The following HCN1 variants were observed in gnomAD, a reference collection of about 807,000 sequenced individuals.
HCN1 encodes potassium/sodium hyperpolarization-activated cyclic nucleotide-gated channel 1.
HCN1 carries 13 observed loss-of-function variants against 78.9 expected under a neutral mutation model. That is an observed-to-expected ratio of 0.16 (90% confidence interval 0.11 to 0.26). HCN1 has a LOEUF of 0.26. Among genes scored for constraint, HCN1 ranks in the 10% least tolerant of loss-of-function variants. The pLI is 1.00. For synonymous variants in HCN1, 552 were observed against 455.5 expected (o/e 1.21, Z -2.70); for missense variants, 810 against 1,154.3 (o/e 0.70, Z 4.32).
At chr5:45,585,293 G>T (rs895922142) in intron 2 of HCN1, among the ~76,000 whole-genome samples, 6 of 152,022 alleles carry the variant, frequency 3.9e-5, no homozygotes, top group African/African-American at 1.5e-4. Context: ...TTCCATCACT[G>T]ATACTCTTTC....
In HCN1 at chr5:45,302,308, C is replaced by T. The variant is rs549222754; in HGVS notation, c.1618+1291G>A. On this transcript the variant is annotated intron_variant, in intron 6 of 7. Transcript: ENST00000303230. The stretch of plus-strand genomic sequence containing the variant: ...CCCCTGTGCTTTCTCTCTCCTGCTG[C>T]CTGTGAAGAAGTTGCTTGTCTCTCC... 2.6e-5 allele frequency among the ~76,000 whole-genome samples: 4 copies of T among 152,108 alleles called. 1 individual carries two copies. In the East Asian group the frequency reaches 7.8e-4, roughly 30 times the overall value.
chr5:45,600,093 A>AT (rs1744592310), intron 2 of HCN1, among the ~76,000 whole-genome samples: 1 of 151,954 alleles, frequency 6.6e-6, no homozygotes, highest in East Asian at 1.9e-4. Context: ...TGGTCTTGTC[A>AT]TTTTTTCCTG....
intron 5 of HCN1, among the ~76,000 whole-genome samples, chr5:45,348,649 T>C (rs980813158): frequency 6.6e-6 from 1 of 151,968 alleles, no homozygotes; most frequent in Non-Finnish European, 1.5e-5. Flanking sequence ...ACACATAACA[T>C]AGGCTCAAAA....
chr5:45,352,579 C>G (rs924875303), intron 5 of HCN1, among the ~76,000 whole-genome samples: 2 of 151,628 alleles, frequency 1.3e-5, no homozygotes, highest in African/African-American at 2.4e-5. Context: ...TATTTTGGTC[C>G]AGGAGTGATC....
chr5:45,556,482 C>A (rs1421695041), intron 2 of HCN1, among the ~76,000 whole-genome samples: 1 of 152,006 alleles, frequency 6.6e-6, no homozygotes, highest in Non-Finnish European at 1.5e-5. Flanking sequence ...CATGACTATA[C>A]ATAAACTCCT....
chr5:45,463,544 T>C (rs1368877811), intron 2 of HCN1, among the ~76,000 whole-genome samples: 1 of 152,030 alleles, frequency 6.6e-6, no homozygotes, highest in Non-Finnish European at 1.5e-5. Flanking sequence ...AATTTTACTT[T>C]TCTGTAAGCT....
At chr5:45,355,277 A>G (rs1031820405) in intron 4 of HCN1, among the ~76,000 whole-genome samples, 1 of 152,050 alleles carries the variant, frequency 6.6e-6, no homozygotes, top group African/African-American at 2.4e-5. Context: ...GACTCATAGT[A>G]ACTATTGATC....
Position 45,515,915 on chromosome 5 carries a change from CCT to C in HCN1, c.850-53910_850-53909del, listed in dbSNP as rs1742509302. On this transcript the variant is annotated intron_variant, in intron 2 of 7. Transcript: ENST00000303230. ...TGTATTAAATCTACCACCAAAAATG[CCT>C]CTTTCTTTTCAGGAAAAAATACAAA... 4.6e-5 allele frequency among the ~76,000 whole-genome samples: 7 copies of C among 152,006 alleles called. 1 individual carries two copies. In the South Asian group the frequency reaches 1.2e-3, roughly 27 times the overall value.
At chr5:45,368,373 A>T (rs1332945375) in intron 4 of HCN1, among the ~76,000 whole-genome samples, 2 of 151,982 alleles carry the variant, frequency 1.3e-5, no homozygotes, top group Non-Finnish European at 2.9e-5. Context: ...AAACATAATT[A>T]TTTTTCCTAA....
chr5:45,295,943 C>G (rs1745483209), intron 6 of HCN1, among the ~76,000 whole-genome samples: 1 of 151,966 alleles, frequency 6.6e-6, no homozygotes, highest in African/African-American at 2.4e-5. Flanking sequence ...TAGATTTTAA[C>G]TGCCTTACAT....
chr5:45,454,670 C>T (rs547010343), intron 3 of HCN1, among the ~76,000 whole-genome samples: 128 of 151,930 alleles, frequency 8.4e-4, no homozygotes, highest in Admixed American at 2.0e-3. Flanking sequence ...CTCATTTCTT[C>T]GTAATATTAC....
At chr5:45,371,461 T>C (rs931025911) in intron 4 of HCN1, among the ~76,000 whole-genome samples, 1 of 151,590 alleles carries the variant, frequency 6.6e-6, no homozygotes, top group African/African-American at 2.4e-5. Context: ...CTGAACCCAC[T>C]GAAATACAAA....
At chr5:45,676,367 A>G (rs2047297151) in intron 1 of HCN1, among the ~76,000 whole-genome samples, 2 of 151,800 alleles carry the variant, frequency 1.3e-5, no homozygotes. Context: ...TTATATTTTT[A>G]TTGGTCAATC....
chr5:45,655,122 G>T (rs1415147427), intron 1 of HCN1, among the ~76,000 whole-genome samples: 1 of 152,062 alleles, frequency 6.6e-6, no homozygotes, highest in Non-Finnish European at 1.5e-5. Context: ...TCTTTAAAAT[G>T]TTCACGTTTT....
chr5:45,357,905 T>A (rs146295763), intron 4 of HCN1, among the ~76,000 whole-genome samples: 1 of 151,986 alleles, frequency 6.6e-6, no homozygotes, highest in Non-Finnish European at 1.5e-5. Context: ...CTCTGTTAGT[T>A]CCCTAGAGAG....
In HCN1 at chr5:45,259,361, G is replaced by A. The variant is rs1579760275; in HGVS notation, c.*2560C>T. 6.6e-6 allele frequency: 1 copy of A among 152,320 alleles called. No homozygotes were observed. The highest frequency in any genetic ancestry group is 1.5e-5 in the Non-Finnish European group (1 of 67,900). The allele number at this position is 152,320 out of a possible 1,614,324, so 9.4% of individuals were successfully genotyped here. ...ACTCATCCCTGATCATACAGTTGTT[G>A]TAAGAATCAGCTATTCTATTATCTT... On this transcript the variant is annotated 3_prime_UTR_variant, in exon 8 of 8. Transcript: ENST00000303230.
intron 3 of HCN1, among the ~76,000 whole-genome samples, chr5:45,432,443 T>G (rs142800730): frequency 1.8e-3 from 270 of 152,166 alleles, no homozygotes; most frequent in African/African-American, 6.2e-3. Flanking sequence ...GTCTGATTGC[T>G]CTAGTACTTC....
At chr5:45,600,977 T>C (rs1744609414) in intron 2 of HCN1, among the ~76,000 whole-genome samples, 1 of 152,168 alleles carries the variant, frequency 6.6e-6, no homozygotes, top group African/African-American at 2.4e-5. Context: ...TCACTTTACT[T>C]CTCTCCTATA....
intron 5 of HCN1, among the ~76,000 whole-genome samples, chr5:45,313,507 G>C (rs770997274): frequency 2.6e-5 from 4 of 152,226 alleles, no homozygotes; most frequent in Non-Finnish European, 4.4e-5. Flanking sequence ...CCAGAACAAA[G>C]CTGGATGGAG....
Sources: allele counts gnomAD v4.1 joint callset (sites outside exome capture counted in the v4.1 genomes callset), GRCh38; gene constraint gnomAD v4.1.1; transcripts MANE v1.5; gene names NCBI Gene and HGNC (gene_info 2026-07-23, HGNC 2026-07-21).